The following TGFB2 variants were observed in gnomAD, a reference collection of about 807,000 sequenced individuals.
TGFB2 encodes the protein transforming growth factor beta 2, also known as transforming growth factor beta-2 proprotein.
TGFB2 carries 13 observed loss-of-function variants against 42.7 expected under a neutral mutation model. The ratio of observed to expected loss-of-function variants is 0.30; its 90% CI spans 0.20 to 0.48. The LOEUF is 0.48. Among genes scored for constraint, TGFB2 ranks in the 20% least tolerant of loss-of-function variants. The pLI is 0.99. For synonymous variants in TGFB2, 193 were observed against 193.6 expected (o/e 1.00, Z 0.03); for missense variants, 390 against 517.5 (o/e 0.75, Z 2.39).
intron 1 of TGFB2, among the ~76,000 whole-genome samples, chr1:218,368,326 G>A (rs570488361): frequency 2.6e-5 from 4 of 151,544 alleles, no homozygotes; most frequent in East Asian, 3.9e-4. Context: ...TAGTAGAGAC[G>A]GGGTTTCACC....
chr1:218,384,986 G>A (rs1658085226), intron 1 of TGFB2, among the ~76,000 whole-genome samples: 1 of 152,136 alleles, frequency 6.6e-6, no homozygotes, highest in Non-Finnish European at 1.5e-5. Flanking sequence ...ATAACCACCC[G>A]GCAGATGGCT....
intron 1 of TGFB2, among the ~76,000 whole-genome samples, chr1:218,369,052 C>A (rs1273635401): frequency 6.6e-6 from 1 of 151,636 alleles, no homozygotes; most frequent in Non-Finnish European, 1.5e-5. Context: ...GTCAAGAGAT[C>A]GAGACCATCC....
rs1226607286 is a variant in TGFB2 at position 218,444,141 on chromosome 1, C to G, written c.*2779C>G. ...CCTTAAGGACAGTCACTTCAGAAGTCATGCTTTAAAGCACAAGAGTCAGGC... is the reference window on the plus strand; with the variant it reads ...CCTTAAGGACAGTCACTTCAGAAGTGATGCTTTAAAGCACAAGAGTCAGGC... On this transcript the variant is annotated 3_prime_UTR_variant, in exon 7 of 7. Coordinates refer to ENST00000366930, the MANE Select transcript of TGFB2 (RefSeq NM_003238.6). 5 of 152,170 alleles carry G rather than the reference C, an allele frequency of 3.3e-5. No homozygotes were observed. The highest frequency in any genetic ancestry group is 1.2e-4 in the African/African-American group (5 of 41,440). The allele number at this position is 152,170 out of a possible 1,614,324, so 9.4% of individuals were successfully genotyped here. A position where few individuals can be genotyped will look rare whatever the true frequency, so the allele number is the denominator to read the frequency against.
rs926988227 is a variant in TGFB2, at chr1:218,346,329, C to A, written c.-373C>A. 5.7e-6 allele frequency: 1 copy of A among 175,870 alleles called. No homozygotes were observed. Among genetic ancestry groups the A allele is most frequent in the Admixed American group, 6.4e-5 (1 of 15,606 alleles). 10.9% of individuals were successfully genotyped at this position (175,870 alleles called of 1,614,324 possible). On this transcript the variant is annotated 5_prime_UTR_variant, in exon 1 of 7. Transcript: ENST00000366930. This position sits in a 1 kb window ranked among gnomAD's most constrained non-coding sequence, Gnocchi z 4.9. The stretch of plus-strand genomic sequence containing the variant: ...CCGAGTTCAGATCCGCCACTCCGCA[C>A]CCGAGACTGACACACTGAACTCCAC...
chr1:218,439,453 C>G (rs1660084827), intron 6 of TGFB2, among the ~76,000 whole-genome samples: 1 of 152,120 alleles, frequency 6.6e-6, no homozygotes, highest in South Asian at 2.1e-4. Context: ...TTTAGACAAT[C>G]TGTATTATAA....
chr1:218,433,911 C>A (rs939516681), intron 2 of TGFB2, among the ~76,000 whole-genome samples, 171 bp from the exon 3 acceptor site: 1 of 152,088 alleles, frequency 6.6e-6, no homozygotes, highest in African/African-American at 2.4e-5. Flanking sequence ...TGGCAAATAG[C>A]CTGGTGTTGT....
intron 1 of TGFB2, among the ~76,000 whole-genome samples, chr1:218,364,714 T>C (rs1220499727): frequency 1.3e-5 from 2 of 152,178 alleles, no homozygotes; most frequent in African/African-American, 4.8e-5. Context: ...GTATAGTTTA[T>C]TTACAGTGGC....
At chr1:218,420,821 T>C (rs1331948820) in intron 2 of TGFB2, among the ~76,000 whole-genome samples, 1 of 152,242 alleles carries the variant, frequency 6.6e-6, no homozygotes, top group African/African-American at 2.4e-5. Flanking sequence ...TGTAATAATG[T>C]AGCTATCTGA....
chr1:218,435,835 A>G, intron 4 of TGFB2, 135 bp from the exon 5 acceptor site: 1 of 838,608 alleles, frequency 1.2e-6, no homozygotes, highest in Non-Finnish European at 1.9e-6. Context: ...TCCATGGGGA[A>G]TAACTGTTGC....
At chr1:218,416,019 T>C (rs1371849907) in intron 2 of TGFB2, among the ~76,000 whole-genome samples, 2 of 152,152 alleles carry the variant, frequency 1.3e-5, no homozygotes, top group Non-Finnish European at 2.9e-5. Context: ...TGGTCTGATC[T>C]GTTTTCTGTT....
At chr1:218,387,540 A>G (rs566314888) in intron 1 of TGFB2, among the ~76,000 whole-genome samples, 1 of 152,064 alleles carries the variant, frequency 6.6e-6, no homozygotes, top group Non-Finnish European at 1.5e-5. Flanking sequence ...CTAGCCTTGG[A>G]TGGAAGAGTC....
At chr1:218,374,423 G>C (rs1338273247) in intron 1 of TGFB2, among the ~76,000 whole-genome samples, 1 of 152,162 alleles carries the variant, frequency 6.6e-6, no homozygotes, top group Admixed American at 6.5e-5. Context: ...TATTGCTAAG[G>C]ACTTCTTGGG....
At chr1:218,357,275 G>A (rs1301450260) in intron 1 of TGFB2, among the ~76,000 whole-genome samples, 3 of 151,960 alleles carry the variant, frequency 2.0e-5, no homozygotes, top group Non-Finnish European at 2.9e-5. Context: ...AAGGGGAGGG[G>A]CTGGTCGAGA....
chr1:218,434,068 T>C lies in TGFB2; in HGVS notation c.511-14T>C. The C allele has an allele frequency of 6.2e-7, 1 of 1,612,156 alleles. No homozygotes were observed. Among genetic ancestry groups the C allele is most frequent in the Non-Finnish European group, 8.5e-7 (1 of 1,178,584 alleles). ...GCCAACTCAGCCTTTTCTCTTGCTC[T>C]TTTTCCCCTCCAGATTCTCAAGTCC... On this transcript the variant is annotated splice_polypyrimidine_tract_variant and intron_variant, in intron 2 of 6. Transcript: ENST00000366930.
At chr1:218,369,256 GAAAAAAAAAAAAAA>G (rs34825461) in intron 1 of TGFB2, among the ~76,000 whole-genome samples, 14 of 35,658 alleles carry the variant, frequency 3.9e-4, no homozygotes, top group East Asian at 2.0e-3. Flanking sequence ...TTCCGTCTCA[GAAAAAAAAAAAAAA>G]AAAAAAAAAA....
intron 1 of TGFB2, among the ~76,000 whole-genome samples, chr1:218,357,902 AGTT>A (rs139136080): frequency 0.012 from 1,759 of 152,220 alleles, 32 homozygotes; most frequent in African/African-American, 0.04. Flanking sequence ...GGTCTTTTGG[AGTT>A]GTTGTTTCAG....
intron 1 of TGFB2, among the ~76,000 whole-genome samples, chr1:218,362,507 A>G (rs572519654): frequency 2.7e-4 from 41 of 152,356 alleles, no homozygotes; most frequent in African/African-American, 7.9e-4. Context: ...AGACTTCTCC[A>G]TGGATTCACA....
intron 2 of TGFB2, among the ~76,000 whole-genome samples, chr1:218,422,222 C>CT (rs993232695): frequency 1.4e-4 from 21 of 148,786 alleles, no homozygotes; most frequent in South Asian, 4.3e-4. Context: ...TTTTTGTTTT[C>CT]TTTTTTTTTG....
chr1:218,356,509 G>A (rs754361098), intron 1 of TGFB2, among the ~76,000 whole-genome samples: 13 of 152,116 alleles, frequency 8.5e-5, no homozygotes, highest in Admixed American at 5.9e-4. Flanking sequence ...GTGAGCCACC[G>A]CACCCAGCCG....
Sources: gnomAD v4.1 joint callset for allele counts (sites outside exome capture counted in the v4.1 genomes callset) on GRCh38, gnomAD v4.1.1 for gene constraint, Gnocchi (gnomAD v3.1) non-coding constraint, MANE v1.5 for transcripts, NCBI Gene and HGNC (gene_info 2026-07-23, HGNC 2026-07-21) for gene names.